PRDM15: variants seen among roughly 807,000 people sequenced by gnomAD.
PRDM15 encodes PR/SET domain 15, also known as PR domain zinc finger protein 15.
A neutral mutation model predicts 128.6 loss-of-function variants in PRDM15; 64 were observed. That is an observed-to-expected ratio of 0.50 (90% CI 0.41 to 0.61). The LOEUF (loss-of-function observed/expected upper bound fraction) is 0.61, where lower values mean the gene tolerates loss of function less well. Ranked by LOEUF, PRDM15 falls within the 20% of genes least tolerant of loss-of-function variation. PRDM15 has a pLI of 0.00. For missense variants in PRDM15, 1,242 were observed against 1,569.1 expected (o/e 0.79, Z 3.52); for synonymous variants, 615 against 621.8 (o/e 0.99, Z 0.16).
Position 41,868,860 on chromosome 21 carries a change from T to C in PRDM15, c.-9-8488A>G, listed in dbSNP as rs369416397. On this transcript the variant is annotated intron_variant, in intron 1 of 23. Transcript: ENST00000398548. ...GCCCACCACCATGCCCAGCTAATTT[T>C]TGTATTTTTAGTAGAGATGGGGTTT... Among the ~76,000 whole-genome samples, 291 of 152,046 alleles carry C rather than the reference T, an allele frequency of 1.9e-3. 2 individuals are homozygous for C. Among genetic ancestry groups the C allele is most frequent in the African/African-American group, 6.5e-3 (268 of 41,450 alleles).
chr21:41,877,834 G>A (rs111839702), intron 1 of PRDM15, among the ~76,000 whole-genome samples: 1,688 of 152,252 alleles, frequency 0.011, 29 homozygotes, highest in African/African-American at 0.039. Flanking sequence ...CTACTTTGCG[G>A]CAAAAAGTAT....
At chr21:41,878,756 T>A (rs751003442) in intron 1 of PRDM15, 1 of 1,543,636 alleles carries the variant, frequency 6.5e-7, no homozygotes, top group Non-Finnish European at 8.7e-7. Flanking sequence ...GCGACCCGCA[T>A]GGGCTGTACC....
chr21:41,825,931 C>T (rs747517656), intron 13 of PRDM15, 29 bp downstream of exon 13: 7 of 1,518,074 alleles, frequency 4.6e-6, no homozygotes, highest in Middle Eastern at 1.7e-4. Context: ...CTTTCCATCT[C>T]AGCGTCCGAC....
At chr21:41,830,131 AC>A (rs2062632122) in intron 11 of PRDM15, among the ~76,000 whole-genome samples, 1 of 151,258 alleles carries the variant, frequency 6.6e-6, no homozygotes, top group African/African-American at 2.4e-5. Context: ...ACAAAAATAC[AC>A]ATTCAACACA....
In PRDM15 at chr21:41,801,319, T is replaced by C. The variant is rs764440851; in HGVS notation, c.3347A>G (p.Gln1116Arg). The change falls in exon 24 of 24, where the codon CAG becomes CGG. Residue 1116 changes from glutamine to arginine, a missense_variant. Physicochemically the swap from Gln to Arg is conservative, Grantham distance 43. This residue lies in a region of PRDM15 where 602 missense variants were observed against 788.3 expected (regional missense o/e 0.76). Coordinates refer to ENST00000398548, the MANE Select transcript of PRDM15 (RefSeq NM_001040424.3). ...VPQTDVLPPSQPQAPPQQAAQ... is the reference protein window; with the variant it reads ...VPQTDVLPPSRPQAPPQQAAQ... ...CGCCTGCTGTGGGGGTGCCTGCGGC[T>C]GCGAGGGTGGCAAGACGTCAGTCTG... 3.5e-5 allele frequency: 55 copies of C among 1,579,268 alleles called. No homozygotes were observed. Among genetic ancestry groups the C allele is most frequent in the Non-Finnish European group, 4.2e-5 (49 of 1,160,180 alleles).
chr21:41,864,091 C>T (rs1473035529), intron 1 of PRDM15, among the ~76,000 whole-genome samples: 2 of 152,170 alleles, frequency 1.3e-5, no homozygotes, highest in African/African-American at 2.4e-5. Flanking sequence ...ATCTGCCCAC[C>T]TCGGCCTCCC....
At position 41,810,972 on chromosome 21, in the gene PRDM15, A is replaced by T; in HGVS notation, c.2393-136T>A. 1 of 721,970 alleles carries T rather than the reference A, an allele frequency of 1.4e-6. No individual in the cohort carries two copies. The highest frequency in any genetic ancestry group is 2.4e-6 in the Non-Finnish European group (1 of 416,844). 44.7% of individuals were successfully genotyped at this position (721,970 alleles called of 1,614,324 possible). On this transcript the variant is annotated intron_variant, in intron 19 of 23. Transcript: ENST00000398548. The surrounding 1 kb of genome is among the most constrained non-coding windows in gnomAD (Gnocchi z 6.4). ...GGTGAATTGCAAGAAGACAGCAGAC[A>T]ATGAACGCTCATCCCCAGCCTCGGC...
In PRDM15 at chr21:41,859,670, C is replaced by T. The variant is rs765857733; in HGVS notation, c.53G>A (p.Ser18Asn). The change falls in exon 3 of 24, where the codon AGC (serine) becomes AAC (asparagine). Residue 18 changes from serine (S) to asparagine (N), a missense_variant. Physicochemically the swap from Ser to Asn is conservative, Grantham distance 46 (BLOSUM62 1). Transcript: ENST00000398548. The surrounding 1 kb of genome is among the most constrained non-coding windows in gnomAD (Gnocchi z 5.3). ...GGGACATTCGGAGTCGTGGTACTGGCTGCAGTCTTCACACCCTGCAAGCAG... is the reference window on the plus strand; with the variant it reads ...GGGACATTCGGAGTCGTGGTACTGGTTGCAGTCTTCACACCCTGCAAGCAG... ...EIMFIWCEDC[S>N]QYHDSECPEL... The T allele has an allele frequency of 5.6e-6, 9 of 1,613,810 alleles. No individual in the cohort carries two copies. The highest frequency in any genetic ancestry group is 7.6e-6 in the Non-Finnish European group (9 of 1,179,968).
In PRDM15 at chr21:41,802,815, G is replaced by GGAGCA; in HGVS notation, c.2835_2839dup (p.Pro947LeufsTer24). Reference sequence around the variant, plus strand: ...GCTGAAGGTGGCGTCCTCGGGCACCGGAGCACCCGCCTCCTCTTCTGGCTT... The same window carrying GGAGCA: ...GCTGAAGGTGGCGTCCTCGGGCACCGGAGCAGAGCACCCGCCTCCTCTTCTGGCTT... On this transcript the variant is annotated frameshift_variant, in exon 23 of 24. Coordinates refer to ENST00000398548, the MANE Select transcript of PRDM15 (RefSeq NM_001040424.3). LOFTEE classifies it high-confidence loss of function. 6.2e-7 allele frequency: 1 copy of GGAGCA among 1,614,116 alleles called. No individual in the cohort carries two copies. Among genetic ancestry groups the GGAGCA allele is most frequent in the Non-Finnish European group, 8.5e-7 (1 of 1,179,974 alleles).
chr21:41,878,651 G>C, intron 1 of PRDM15: 2 of 1,297,310 alleles, frequency 1.5e-6, no homozygotes, highest in Non-Finnish European at 2.1e-6. Flanking sequence ...GCCACCAAAA[G>C]GCTTACGAAA....
chr21:41,845,804 T>C (rs2063246595), intron 6 of PRDM15, among the ~76,000 whole-genome samples: 1 of 152,064 alleles, frequency 6.6e-6, no homozygotes, highest in Admixed American at 6.6e-5. Context: ...TCAAAACTAG[T>C]TATTAAGAAG....
chr21:41,820,212 T>C (rs1462413144), intron 16 of PRDM15, 38 bp from the exon 17 acceptor site: 5 of 1,572,026 alleles, frequency 3.2e-6, no homozygotes, highest in South Asian at 2.2e-5. Flanking sequence ...CCGCACAGCC[T>C]CGGGGCTCCA....
At chr21:41,857,461 T>C (rs1322571116) in intron 3 of PRDM15, 132 bp from the exon 4 acceptor site, 7 of 968,444 alleles carry the variant, frequency 7.2e-6, no homozygotes, top group Admixed American at 2.6e-5. Context: ...GGTGATAAAA[T>C]AGAAGCCTTC....
intron 1 of PRDM15, chr21:41,878,753 G>T: frequency 6.4e-7 from 1 of 1,552,188 alleles, no homozygotes; most frequent in Non-Finnish European, 8.7e-7. Flanking sequence ...CGTGCGACCC[G>T]CATGGGCTGT....
At chr21:41,804,464 C>G in intron 22 of PRDM15, 70 bp downstream of exon 22, 1 of 1,237,402 alleles carries the variant, frequency 8.1e-7, no homozygotes, top group Non-Finnish European at 1.2e-6. Flanking sequence ...TGTCCAAGCC[C>G]CTCTGGTCCC....
chr21:41,829,946 C>G (rs1295506401), intron 11 of PRDM15, among the ~76,000 whole-genome samples: 1 of 148,554 alleles, frequency 6.7e-6, no homozygotes, highest in Non-Finnish European at 1.5e-5. Flanking sequence ...CAATCACATA[C>G]TACACAAATA....
intron 21 of PRDM15, among the ~76,000 whole-genome samples, chr21:41,809,695 T>TA (rs2061798562): frequency 1.3e-5 from 2 of 152,190 alleles, no homozygotes; most frequent in Non-Finnish European, 2.9e-5. Flanking sequence ...TGCTCCTTCT[T>TA]AAAGCACATT....
chr21:41,822,181 T>C (rs367887717), intron 14 of PRDM15, 144 bp from the exon 15 acceptor site: 2 of 1,158,308 alleles, frequency 1.7e-6, no homozygotes, highest in Non-Finnish European at 1.2e-6. Flanking sequence ...CGAGCTACAC[T>C]TGTGCCCTAG....
chr21:41,853,104 G>A (rs546566165), intron 5 of PRDM15, among the ~76,000 whole-genome samples: 2 of 152,376 alleles, frequency 1.3e-5, no homozygotes, highest in East Asian at 1.9e-4. Flanking sequence ...GACCGTGGGC[G>A]TGTGGCCTCC....
Sources: gnomAD v4.1 joint callset for allele counts (sites outside exome capture counted in the v4.1 genomes callset) on GRCh38, gnomAD v4.1.1 for gene constraint, gnomAD v4.1.1 regional missense constraint, Gnocchi (gnomAD v3.1) non-coding constraint, MANE v1.5 for transcripts, NCBI Gene and HGNC (gene_info 2026-07-23, HGNC 2026-07-21) for gene names.